EHD3: variants seen among roughly 807,000 people sequenced by gnomAD.
EHD3 encodes the protein EH domain containing 3.
EHD3 carries 17 observed loss-of-function variants against 43.0 expected under a neutral mutation model. The ratio of observed to expected loss-of-function variants is 0.40; its 90% confidence interval spans 0.27 to 0.59. The LOEUF (loss-of-function observed/expected upper bound fraction) is 0.59. Among genes scored for constraint, EHD3 ranks in the 20% least tolerant of loss-of-function variants. The pLI, the probability that EHD3 is intolerant of heterozygous loss-of-function variation, is 0.49. For missense variants in EHD3, 594 were observed against 705.6 expected (o/e 0.84, Z 1.79); for synonymous variants, 313 against 289.5 (o/e 1.08, Z -0.82).
rs1007061576 is a variant in EHD3, at chr2:31,268,406, A to G, written c.*1702A>G. ...TTTATTCTTTGGTACCTGCCTGGCC[A>G]CAGAGCATCATTCAATGGAGGCTGA... is the stretch of plus-strand genomic sequence containing the variant. On this transcript the variant is annotated 3_prime_UTR_variant, in exon 6 of 6. Transcript: ENST00000322054. 3 of 152,654 alleles carry G rather than the reference A, an allele frequency of 2.0e-5. No individual in the cohort carries two copies. The highest frequency in any genetic ancestry group is 7.2e-5 in the African/African-American group (3 of 41,466). The allele number at this position is 152,654 out of a possible 1,614,324, so 9.5% of individuals were successfully genotyped here. A position where few individuals can be genotyped will look rare whatever the true frequency, so the allele number is the denominator to read the frequency against.
At position 31,234,364 on chromosome 2, in the gene EHD3, C is replaced by G; in HGVS notation, c.-258C>G. The G allele has an allele frequency of 2.0e-6, 1 of 512,542 alleles. No homozygotes were observed. The highest frequency in any genetic ancestry group is 3.5e-6 in the Non-Finnish European group (1 of 285,054). 31.7% of individuals were successfully genotyped at this position (512,542 alleles called of 1,614,324 possible). On this transcript the variant is annotated 5_prime_UTR_variant, in exon 1 of 6. Transcript: ENST00000322054. ...CTTTAATTGCCAAGATTTCACCCCT[C>G]CTCCTCAAGCCCAGATTATTTATCC... is the stretch of plus-strand genomic sequence containing the variant.
intron 2 of EHD3, among the ~76,000 whole-genome samples, chr2:31,248,308 T>C (rs11694688): frequency 0.51 from 77,630 of 152,084 alleles, 21,675 homozygotes; most frequent in East Asian, 0.75. Context: ...GTTCCCATTC[T>C]TCGAGGCCAG....
intron 1 of EHD3, among the ~76,000 whole-genome samples, chr2:31,242,971 T>A (rs1411651569): frequency 6.6e-6 from 1 of 150,398 alleles, no homozygotes; most frequent in Admixed American, 6.6e-5. Flanking sequence ...AAATAATAAA[T>A]AAATAAATAA....
intron 2 of EHD3, among the ~76,000 whole-genome samples, chr2:31,248,437 G>A (rs1260075944): frequency 6.6e-6 from 1 of 152,128 alleles, no homozygotes; most frequent in Non-Finnish European, 1.5e-5. Flanking sequence ...ATTGCACTGT[G>A]TATTCTGCTT....
rs776910672 is a variant in EHD3 at position 31,234,479 on chromosome 2, C to CCGCGTGCCGCGTG, written c.-142_-141insGCGTGCCGCGTGC. 6.7e-6 allele frequency: 6 copies of CCGCGTGCCGCGTG among 900,612 alleles called. No individual in the cohort carries two copies. Among genetic ancestry groups the CCGCGTGCCGCGTG allele is most frequent in the Non-Finnish European group, 9.9e-6 (6 of 603,888 alleles). 55.8% of individuals were successfully genotyped at this position (900,612 alleles called of 1,614,324 possible). On this transcript the variant is annotated 5_prime_UTR_variant, in exon 1 of 6. Transcript: ENST00000322054. The stretch of plus-strand genomic sequence containing the variant: ...CGCTCCCGGCCCTCCTAGCCGCGTG[C>CCGCGTGCCGCGTG]CCGGGCCATGGTGCGGCTGAGCCCC...
At chr2:31,240,136 T>A (rs1683393290) in intron 1 of EHD3, among the ~76,000 whole-genome samples, 1 of 152,128 alleles carries the variant, frequency 6.6e-6, no homozygotes, top group Non-Finnish European at 1.5e-5. Flanking sequence ...GTGGAGAGTC[T>A]CCCATCCACT....
chr2:31,260,945 G>A lies in EHD3; in HGVS notation c.915+23G>A. ...AAGGTGAGGCAGCCCCCTGGGAGGT[G>A]GGCAGCTTGGGCAGGGGCCCAGAGT... On this transcript the variant is annotated intron_variant, in intron 4 of 5. Transcript: ENST00000322054. The surrounding 1 kb of genome is among the most constrained non-coding windows in gnomAD (Gnocchi z 4.6). 1 of 1,562,102 alleles carries A rather than the reference G, an allele frequency of 6.4e-7. No individual in the cohort carries two copies. The highest frequency in any genetic ancestry group is 8.6e-7 in the Non-Finnish European group (1 of 1,156,534).
At chr2:31,259,413 G>A (rs1289393491) in intron 3 of EHD3, among the ~76,000 whole-genome samples, 1 of 152,188 alleles carries the variant, frequency 6.6e-6, no homozygotes, top group Non-Finnish European at 1.5e-5. Flanking sequence ...GGGGCTCTGG[G>A]TGTCAGTGAA....
chr2:31,252,790 T>A (rs986841159), intron 3 of EHD3, among the ~76,000 whole-genome samples: 1 of 152,126 alleles, frequency 6.6e-6, no homozygotes, highest in Admixed American at 6.5e-5. Context: ...AAGCACCAGG[T>A]CCCCCTACCT....
intron 1 of EHD3, among the ~76,000 whole-genome samples, chr2:31,242,981 A>AATAC (rs1683449804): frequency 6.6e-6 from 1 of 151,626 alleles, no homozygotes; most frequent in South Asian, 2.1e-4. Context: ...TAAATAAATA[A>AATAC]ATAAATAAAA....
chr2:31,266,159 C>G lies in EHD3; in HGVS notation c.1081-18C>G. The G allele has an allele frequency of 1.9e-6, 3 of 1,596,882 alleles. No individual in the cohort carries two copies. The highest frequency in any genetic ancestry group is 2.6e-6 in the Non-Finnish European group (3 of 1,169,248). On this transcript the variant is annotated intron_variant, in intron 5 of 5. Coordinates refer to ENST00000322054, the MANE Select transcript of EHD3 (RefSeq NM_014600.3). The surrounding 1 kb of genome is among the most constrained non-coding windows in gnomAD (Gnocchi z 5.1). Reference sequence around the variant, plus strand: ...TTTCATCGTATCCTATCTTCATCCTCTCTCCTCCTCTTCCCAGGACCAGCT... The same window carrying G: ...TTTCATCGTATCCTATCTTCATCCTGTCTCCTCCTCTTCCCAGGACCAGCT...
chr2:31,245,687 G>C (rs896540245), intron 2 of EHD3, among the ~76,000 whole-genome samples: 9 of 145,210 alleles, frequency 6.2e-5, no homozygotes, highest in Admixed American at 2.1e-4. Context: ...TCAGCCTCCC[G>C]AGTAGCTGGG....
chr2:31,241,883 T>C (rs570820529), intron 1 of EHD3, among the ~76,000 whole-genome samples: 1 of 152,290 alleles, frequency 6.6e-6, no homozygotes, highest in South Asian at 2.1e-4. Context: ...CATCACAACC[T>C]CGGTGCCAGC....
intron 2 of EHD3, among the ~76,000 whole-genome samples, chr2:31,246,769 C>T (rs1232417775): frequency 1.3e-5 from 2 of 151,914 alleles, no homozygotes; most frequent in African/African-American, 2.4e-5. Context: ...GTAAAGACAC[C>T]TCTTTGAATA....
In EHD3 at chr2:31,244,418, A is replaced by G; in HGVS notation, c.372A>G (p.Lys124=). ...LVVDPKKPFR[K]LNAFGNAFLN... is the part of the protein sequence containing the mutation. Reference sequence around the variant, plus strand: ...TGGATCCCAAGAAACCCTTCAGGAAACTCAACGCCTTTGGCAACGCCTTCT... The same window carrying G: ...TGGATCCCAAGAAACCCTTCAGGAAGCTCAACGCCTTTGGCAACGCCTTCT... The change falls in exon 2 of 6, where the codon AAA becomes AAG. Residue 124 remains lysine, a synonymous_variant. Transcript: ENST00000322054. 2 of 1,614,120 alleles carry G rather than the reference A, an allele frequency of 1.2e-6. No individual in the cohort carries two copies. The highest frequency in any genetic ancestry group is 2.2e-5 in the South Asian group (2 of 91,080).
At chr2:31,254,794 G>T (rs1391979458) in intron 3 of EHD3, among the ~76,000 whole-genome samples, 1 of 152,188 alleles carries the variant, frequency 6.6e-6, no homozygotes, top group Non-Finnish European at 1.5e-5. Flanking sequence ...CCACCACCTG[G>T]CTGTGTGAGC....
chr2:31,266,532 G>A lies in EHD3; in HGVS notation c.1436G>A (p.Ser479Asn), dbSNP rs145066486. The A allele has an allele frequency of 6.2e-7, 1 of 1,614,174 alleles. No individual in the cohort carries two copies. The highest frequency in any genetic ancestry group is 1.1e-5 in the South Asian group (1 of 91,078). ...KEMVRSKLPN[S>N]VLGKIWKLAD... ...ATGGTGCGCTCCAAGCTGCCCAACA[G>A]TGTGCTGGGCAAGATCTGGAAGCTG... is the stretch of plus-strand genomic sequence containing the variant. The change falls in exon 6 of 6, where the codon AGT becomes AAT. Residue 479 changes from serine (S) to asparagine (N), a missense_variant. Physicochemically the swap from Ser to Asn is conservative, Grantham distance 46. Transcript: ENST00000322054. This position sits in a 1 kb window ranked among gnomAD's most constrained non-coding sequence, Gnocchi z 5.1.
intron 5 of EHD3, 119 bp downstream of exon 5, chr2:31,261,832 A>ATAC: frequency 8.3e-7 from 1 of 1,208,032 alleles, no homozygotes; most frequent in East Asian, 2.5e-5. Context: ...CAGAATCTGC[A>ATAC]GGCAAGGAGG....
At chr2:31,249,342 ACT>A in intron 2 of EHD3, 27 bp from the exon 3 acceptor site, 1 of 1,606,766 alleles carries the variant, frequency 6.2e-7, no homozygotes, top group African/African-American at 1.3e-5. Flanking sequence ...GTGGGCGAGT[ACT>A]CACCCAGGTT....
Sources: allele counts gnomAD v4.1 joint callset (sites outside exome capture counted in the v4.1 genomes callset), GRCh38; gene constraint gnomAD v4.1.1; non-coding constraint Gnocchi (gnomAD v3.1); transcripts MANE v1.5; gene names NCBI Gene and HGNC (gene_info 2026-07-23, HGNC 2026-07-21).